Variants in PCDH9 observed in about 807,000 individuals in gnomAD.
The protein encoded by PCDH9 is protocadherin-9.
A neutral mutation model predicts 70.6 loss-of-function variants in PCDH9; 24 were observed. The observed-to-expected ratio is 0.34, with a 90% CI of 0.25 to 0.48. The LOEUF is 0.48. PCDH9 is among the 20% of genes least tolerant of loss of function. PCDH9 has a pLI of 0.99. For synonymous variants in PCDH9, 562 were observed against 558.5 expected (o/e 1.01, Z -0.09); for missense variants, 1,281 against 1,503.6 (o/e 0.85, Z 2.45).
intron 4 of PCDH9, among the ~76,000 whole-genome samples, chr13:66,481,333 C>A (rs1052382735): frequency 2.0e-5 from 3 of 151,144 alleles, no homozygotes; most frequent in Non-Finnish European, 4.4e-5. Context: ...GCCATGGCCA[C>A]CTCAACCTTC....
At chr13:66,393,897 A>G (rs114529587) in intron 4 of PCDH9, among the ~76,000 whole-genome samples, 2 of 152,186 alleles carry the variant, frequency 1.3e-5, no homozygotes, top group Non-Finnish European at 2.9e-5. Context: ...ATAAGTGAGG[A>G]GAAAGGAGGT....
At chr13:66,873,315 T>A (rs2081732507) in intron 3 of PCDH9, among the ~76,000 whole-genome samples, 1 of 152,202 alleles carries the variant, frequency 6.6e-6, no homozygotes, top group South Asian at 2.1e-4. Flanking sequence ...TTTTATATAT[T>A]TAAAATATGC....
intron 3 of PCDH9, among the ~76,000 whole-genome samples, chr13:66,867,065 T>C (rs1431390576): frequency 2.0e-5 from 3 of 151,858 alleles, no homozygotes; most frequent in African/African-American, 2.4e-5. Flanking sequence ...GAGGGCTGTA[T>C]TGCTCTTTCA....
intron 2 of PCDH9, among the ~76,000 whole-genome samples, chr13:66,969,879 A>G (rs757545046): frequency 3.9e-5 from 6 of 152,072 alleles, no homozygotes; most frequent in Non-Finnish European, 8.8e-5. Context: ...GGAGAGGGAA[A>G]GTCTAAAGCA....
At chr13:66,782,604 G>A (rs534038255) in intron 3 of PCDH9, 1 of 152,070 alleles carries the variant, frequency 6.6e-6, no homozygotes, top group Admixed American at 6.6e-5. Context: ...AGGCATATAA[G>A]ATTCAATTAA....
At chr13:66,714,595 A>G (rs987018859) in intron 3 of PCDH9, among the ~76,000 whole-genome samples, 22 of 151,994 alleles carry the variant, frequency 1.4e-4, no homozygotes, top group African/African-American at 5.1e-4. Flanking sequence ...CTGTCTGTCT[A>G]TCTAATCTGG....
intron 4 of PCDH9, among the ~76,000 whole-genome samples, chr13:66,310,333 A>C (rs2138062178): frequency 6.6e-6 from 1 of 152,190 alleles, no homozygotes; most frequent in African/African-American, 2.4e-5. Context: ...TTTAGGCATT[A>C]GCAGCTCTCA....
At chr13:66,673,353 T>A (rs2324961) in intron 3 of PCDH9, among the ~76,000 whole-genome samples, 3 of 151,944 alleles carry the variant, frequency 2.0e-5, no homozygotes, top group Non-Finnish European at 4.4e-5. Flanking sequence ...CTTCCATGAT[T>A]GTGAGGCTTC....
intron 2 of PCDH9, among the ~76,000 whole-genome samples, chr13:67,100,711 G>A (rs763792819): frequency 6.6e-6 from 1 of 151,930 alleles, no homozygotes; most frequent in Non-Finnish European, 1.5e-5. Flanking sequence ...TCCCTCTTTG[G>A]CTTATCATCT....
intron 2 of PCDH9, among the ~76,000 whole-genome samples, chr13:67,174,327 A>T (rs189143353): frequency 5.6e-4 from 85 of 151,912 alleles, no homozygotes; most frequent in African/African-American, 1.9e-3. Context: ...ACATACATAC[A>T]TACATACATA....
intron 2 of PCDH9, among the ~76,000 whole-genome samples, chr13:66,922,049 C>A (rs996764019): frequency 6.6e-6 from 1 of 151,192 alleles, no homozygotes; most frequent in Admixed American, 6.6e-5. Flanking sequence ...TAACTTATCT[C>A]ATTTGTAGGT....
At chr13:66,992,674 G>A (rs1265180618) in intron 2 of PCDH9, among the ~76,000 whole-genome samples, 2 of 151,906 alleles carry the variant, frequency 1.3e-5, no homozygotes, top group East Asian at 1.9e-4. Flanking sequence ...CTTATTTCAG[G>A]CATAAAGCCC....
At chr13:67,118,262 A>G (rs952804586) in intron 2 of PCDH9, among the ~76,000 whole-genome samples, 1 of 152,200 alleles carries the variant, frequency 6.6e-6, no homozygotes, top group Admixed American at 6.5e-5. Context: ...TACTACTAGC[A>G]GGAGTGGGAT....
At chr13:66,573,548 A>C (rs2138751830) in intron 4 of PCDH9, among the ~76,000 whole-genome samples, 1 of 152,300 alleles carries the variant, frequency 6.6e-6, no homozygotes, top group South Asian at 2.1e-4. Context: ...TCTTGAAAGA[A>C]AAGATTGTGT....
chr13:67,057,486 G>A (rs1323108303), intron 2 of PCDH9, among the ~76,000 whole-genome samples: 1 of 151,754 alleles, frequency 6.6e-6, no homozygotes, highest in Non-Finnish European at 1.5e-5. Context: ...TTTTTCCTGG[G>A]GAGGCATGGC....
At chr13:67,214,556 T>C (rs1014968193) in intron 2 of PCDH9, 1 of 152,086 alleles carries the variant, frequency 6.6e-6, no homozygotes, top group African/African-American at 2.4e-5. Flanking sequence ...AACAGAATAA[T>C]TTTAAAACAT....
intron 4 of PCDH9, among the ~76,000 whole-genome samples, chr13:66,446,896 C>T (rs960702639): frequency 2.6e-5 from 4 of 151,934 alleles, no homozygotes; most frequent in Non-Finnish European, 5.9e-5. Context: ...TATAAATAAA[C>T]CAGTTGTCAA....
intron 2 of PCDH9, among the ~76,000 whole-genome samples, chr13:66,913,882 T>G (rs1454784064): frequency 6.6e-6 from 1 of 152,026 alleles, no homozygotes; most frequent in African/African-American, 2.4e-5. Context: ...TTTTTAACTC[T>G]CATTTCCACA....
intron 2 of PCDH9, among the ~76,000 whole-genome samples, chr13:67,054,697 T>C (rs1336125193): frequency 1.3e-5 from 2 of 152,190 alleles, no homozygotes; most frequent in Admixed American, 6.5e-5. Flanking sequence ...TCTGTTGAGA[T>C]TGATTATAAT....
Sources: allele counts gnomAD v4.1 joint callset (sites outside exome capture counted in the v4.1 genomes callset), GRCh38; gene constraint gnomAD v4.1.1; transcripts MANE v1.5; gene names NCBI Gene and HGNC (gene_info 2026-07-23, HGNC 2026-07-21).